Variants in ZNF814 observed in about 807,000 individuals in gnomAD.
ZNF814 encodes the protein zinc finger protein 814.
ZNF814 carries 5 observed loss-of-function variants against 7.5 expected under a neutral mutation model. The observed-to-expected ratio is 0.67, with a 90% CI of 0.35 to 1.40. ZNF814 has a LOEUF of 1.40. ZNF814 is among the 40% of genes most tolerant of loss of function. The probability of loss-of-function intolerance (pLI) is 0.04; values close to 1 mark genes in which losing one functional copy is unlikely to be tolerated. For missense variants in ZNF814, 962 were observed against 1,018.0 expected, an observed-to-expected ratio of 0.94 and a Z score of 0.75; for synonymous variants, 315 against 340.7, an observed-to-expected ratio of 0.92 and a Z score of 0.83.
chr19:57,901,695 GGCACAGAT>G, the ZNF814 span: 1 of 246,502 alleles, frequency 4.1e-6, no homozygotes, highest in Non-Finnish European at 6.3e-6. Flanking sequence ...TCAGGAAACT[GGCACAGAT>G]GCAGAGGACA....
chr19:57,889,662 C>A (rs1357426038), upstream of ZNF814, among the ~76,000 whole-genome samples: 4 of 151,990 alleles, frequency 2.6e-5, no homozygotes, highest in East Asian at 7.8e-4. Flanking sequence ...GTCAGGAGTT[C>A]AAGACTGGCC....
chr19:57,876,792 C>G lies in ZNF814; in HGVS notation c.163+124G>C. The G allele has an allele frequency of 4.0e-6, 6 of 1,510,444 alleles. No individual in the cohort carries two copies. In the South Asian group the frequency reaches 7.9e-5, roughly 20 times the overall value. The allele number at this position is 1,510,444 out of a possible 1,614,324, so 93.6% of individuals were successfully genotyped here. ...CACCTCAGACCTACCAACCAAGAAC[C>G]TACCCACAGAACTGAAGCAGGAAGC... On this transcript the variant is annotated intron_variant, in intron 2 of 2. Coordinates refer to ENST00000435989, the MANE Select transcript of ZNF814 (RefSeq NM_001144989.2).
chr19:57,876,099 C>T (rs1041886833), intron 2 of ZNF814, among the ~76,000 whole-genome samples: 2 of 151,824 alleles, frequency 1.3e-5, no homozygotes, highest in Non-Finnish European at 2.9e-5. Flanking sequence ...ACTGGGATTA[C>T]AGGCATGTAC....
rs1384848806 is a variant in ZNF814 at position 57,872,623 on chromosome 19, T to A, written c.*199A>T. On this transcript the variant is annotated 3_prime_UTR_variant, in exon 3 of 3. Coordinates refer to ENST00000435989, the MANE Select transcript of ZNF814 (RefSeq NM_001144989.2). ...CCTGTGTTTAATGAGACTGAAAGTT[T>A]CAGCAAAGGATTTCCCACATTCACT... is the stretch of plus-strand genomic sequence containing the variant. The A allele has an allele frequency of 7.2e-7, 1 of 1,396,616 alleles. No homozygotes were observed. The highest frequency in any genetic ancestry group is 9.9e-7 in the Non-Finnish European group (1 of 1,007,940). The allele number at this position is 1,396,616 out of a possible 1,614,324, so 86.5% of individuals were successfully genotyped here.
the ZNF814 span, among the ~76,000 whole-genome samples, chr19:57,904,292 CTTTG>C: frequency 4.6e-5 from 7 of 152,182 alleles, no homozygotes; most frequent in African/African-American, 7.2e-5. Context: ...CCACCTGCTT[CTTTG>C]TTTGATTACC....
the ZNF814 span, among the ~76,000 whole-genome samples, chr19:57,902,285 T>C: frequency 1.3e-5 from 2 of 152,304 alleles, no homozygotes; most frequent in East Asian, 3.9e-4. Context: ...GAATCGTCAT[T>C]GACTGGTCCC....
chr19:57,873,309 C>T lies in ZNF814; in HGVS notation c.2081G>A (p.Gly694Glu), dbSNP rs1457442964. The T allele has an allele frequency of 1.3e-6, 2 of 1,588,686 alleles. No individual in the cohort carries two copies. Among genetic ancestry groups the T allele is most frequent in the Middle Eastern group, 1.7e-4 (1 of 6,042 alleles). ...GERPYVCRECGKLFKKKSHLL... is the reference protein window; with the variant it reads ...GERPYVCRECEKLFKKKSHLL... ...GTGAGACTTCTTCTTAAATAATTTT[C>T]CACATTCCCTACATACATAAGGTCT... The change falls in exon 3 of 3, where the codon GGA (glycine) becomes GAA (glutamate). Residue 694 changes from glycine (G) to glutamate (E), a missense_variant. Gly to Glu is a moderately conservative substitution (Grantham distance 98). Transcript: ENST00000435989.
At chr19:57,889,592 G>A (rs923447069), upstream of ZNF814, among the ~76,000 whole-genome samples, 6 of 151,820 alleles carry the variant, frequency 4.0e-5, no homozygotes, top group African/African-American at 1.2e-4. Flanking sequence ...GGCCAGGTGC[G>A]GGCGGCTCAC....
At position 57,873,994 on chromosome 19, in the gene ZNF814, A is replaced by C; in HGVS notation, c.1396T>G (p.Cys466Gly). 1 of 1,613,914 alleles carries C rather than the reference A, an allele frequency of 6.2e-7. No individual in the cohort carries two copies. The highest frequency in any genetic ancestry group is 8.5e-7 in the Non-Finnish European group (1 of 1,179,958). Residue 466 changes from cysteine (C) to glycine (G), a missense_variant, in exon 3 of 3, where the codon TGT becomes GGT. This residue lies in a region of ZNF814 where 665 missense variants were observed against 551.4 expected (regional missense o/e 1.21). Coordinates refer to ENST00000435989, the MANE Select transcript of ZNF814 (RefSeq NM_001144989.2). ...RVHAGERPFK[C>G]GECVKSFSHK... ...CTGAAAGATTTCACACATTCTCCAC[A>C]CTTGAAAGGTCTTTCTCCGGCGTGA...
rs1216864910 is a variant in ZNF814, at chr19:57,888,899, CT to C, written c.-98del. The C allele has an allele frequency of 7.2e-7, 1 of 1,389,196 alleles. No individual in the cohort carries two copies. Among genetic ancestry groups the C allele is most frequent in the Non-Finnish European group, 9.9e-7 (1 of 1,005,598 alleles). The allele number at this position is 1,389,196 out of a possible 1,614,324, so 86.1% of individuals were successfully genotyped here. A position where few individuals can be genotyped will look rare whatever the true frequency, so the allele number is the denominator to read the frequency against. On this transcript the variant is annotated 5_prime_UTR_variant, in exon 1 of 3. Transcript: ENST00000435989. ...TATCCTGGCCCAGGAGTGGGTCACG[CT>C]GGGCGCCGTCACAGAGCTCCAGAGT...
At chr19:57,886,355 C>G (rs1391419364) in intron 1 of ZNF814, among the ~76,000 whole-genome samples, 1 of 152,136 alleles carries the variant, frequency 6.6e-6, no homozygotes. Flanking sequence ...TCTCTGCCAC[C>G]TATGTGATCT....
Position 57,875,137 on chromosome 19 carries a change from C to T in ZNF814, c.253G>A (p.Gly85Ser). ...GGGTGGGCCTTCTTGGGAGACACAC[C>T]TGCCATAGGAGTCCTGACCTGAGTC... ...RETQVRTPMA[G>S]VSPKKAHPCE... The change falls in exon 3 of 3, where the codon GGT (glycine) becomes AGT (serine). Residue 85 changes from glycine (G) to serine (S), a missense_variant. Gly to Ser is a moderately conservative substitution (Grantham distance 56). Transcript: ENST00000435989. 6.4e-7 allele frequency: 1 copy of T among 1,559,522 alleles called. No homozygotes were observed. Among genetic ancestry groups the T allele is most frequent in the South Asian group, 1.2e-5 (1 of 83,290 alleles).
At chr19:57,876,731 T>A in intron 2 of ZNF814, 185 bp downstream of exon 2, 1 of 964,844 alleles carries the variant, frequency 1.0e-6, no homozygotes, top group Non-Finnish European at 1.5e-6. Context: ...AAGCAGGTGT[T>A]GGGGCTGCTC....
chr19:57,891,847 G>C (rs752340894), upstream of ZNF814, among the ~76,000 whole-genome samples: 3 of 152,070 alleles, frequency 2.0e-5, no homozygotes, highest in Non-Finnish European at 4.4e-5. Context: ...TCCACCTCCT[G>C]GGTTCGAGCA....
At chr19:57,894,309 G>A in the ZNF814 span, among the ~76,000 whole-genome samples, 3 of 149,400 alleles carry the variant, frequency 2.0e-5, no homozygotes, top group Non-Finnish European at 4.5e-5. Context: ...GGGGTTGCAG[G>A]GAGCTGAGAT....
intron 1 of ZNF814, among the ~76,000 whole-genome samples, chr19:57,888,352 CAA>C (rs957269217): frequency 5.9e-5 from 9 of 152,160 alleles, no homozygotes; most frequent in African/African-American, 2.2e-4. Context: ...TGACACTGTG[CAA>C]AGACACAAAC....
intron 1 of ZNF814, among the ~76,000 whole-genome samples, chr19:57,883,958 T>C (rs1334089122): frequency 6.6e-6 from 1 of 152,156 alleles, no homozygotes; most frequent in Non-Finnish European, 1.5e-5. Context: ...GGTTTCCCCA[T>C]GTTGCCCAGG....
At chr19:57,888,063 G>C (rs925834644) in intron 1 of ZNF814, among the ~76,000 whole-genome samples, 17 of 152,176 alleles carry the variant, frequency 1.1e-4, no homozygotes, top group African/African-American at 4.1e-4. Flanking sequence ...AGAATTTTGA[G>C]CGTTAGCCGT....
At chr19:57,901,764 A>G in the ZNF814 span, 1 of 398,622 alleles carries the variant, frequency 2.5e-6, no homozygotes, top group Non-Finnish European at 4.4e-6. Context: ...AATGGTGGCT[A>G]TGATGGTGGT....
Sources: gnomAD v4.1 joint callset for allele counts (sites outside exome capture counted in the v4.1 genomes callset) on GRCh38, gnomAD v4.1.1 for gene constraint, gnomAD v4.1.1 regional missense constraint, MANE v1.5 for transcripts, NCBI Gene and HGNC (gene_info 2026-07-23, HGNC 2026-07-21) for gene names.